Variants in PTPRE observed in about 807,000 individuals in gnomAD.
The protein encoded by PTPRE is protein tyrosine phosphatase receptor type E, also known as receptor-type tyrosine-protein phosphatase epsilon.
In PTPRE, 51 loss-of-function variants were observed where a neutral mutation model predicts 102.0. That is an observed-to-expected ratio of 0.50 (90% confidence interval 0.40 to 0.63). The LOEUF is 0.63. Ranked by LOEUF, PTPRE falls within the 30% of genes least tolerant of loss-of-function variation. The pLI is 0.00. For missense variants in PTPRE, 752 were observed against 915.1 expected (o/e 0.82, Z 2.30); for synonymous variants, 345 against 348.2 (o/e 0.99, Z 0.10).
chr10:128,000,157 C>T (rs1220887420), intron 2 of PTPRE, among the ~76,000 whole-genome samples: 3 of 152,278 alleles, frequency 2.0e-5, no homozygotes, highest in African/African-American at 4.8e-5. Context: ...GCCTCTCTCC[C>T]GGTTTCTAAA....
intron 1 of PTPRE, among the ~76,000 whole-genome samples, chr10:127,961,715 C>T (rs755061001): frequency 1.3e-5 from 2 of 152,170 alleles, no homozygotes; most frequent in Non-Finnish European, 2.9e-5. Context: ...TCTGTCCCTT[C>T]CTACCTGTCA....
intron 2 of PTPRE, among the ~76,000 whole-genome samples, chr10:128,003,172 C>A (rs1283595862): frequency 6.6e-6 from 1 of 152,142 alleles, no homozygotes; most frequent in African/African-American, 2.4e-5. Flanking sequence ...AAGGTAGTAT[C>A]CTCCTCATTG....
At chr10:128,022,968 T>A (rs1243472241) in intron 2 of PTPRE, among the ~76,000 whole-genome samples, 1 of 152,242 alleles carries the variant, frequency 6.6e-6, no homozygotes, top group Non-Finnish European at 1.5e-5. Flanking sequence ...AAAATGACTC[T>A]GACCACCTGT....
chr10:128,066,881 C>G (rs1166874600), intron 11 of PTPRE, among the ~76,000 whole-genome samples: 1 of 152,168 alleles, frequency 6.6e-6, no homozygotes, highest in Non-Finnish European at 1.5e-5. Context: ...CAGGCGCACA[C>G]AGGCACTCAC....
At chr10:128,000,059 A>T (rs146632284) in intron 2 of PTPRE, 11,558 of 762,102 alleles carry the variant, frequency 0.015, 100 homozygotes, top group Non-Finnish European at 0.017. Context: ...TGCATTTTCC[A>T]TGAGTCTTTA....
At chr10:128,030,684 A>G (rs1024511415) in intron 2 of PTPRE, among the ~76,000 whole-genome samples, 3 of 152,174 alleles carry the variant, frequency 2.0e-5, no homozygotes, top group Admixed American at 1.3e-4. Context: ...TGCATGGATA[A>G]TCCTGCCGGC....
chr10:127,937,048 G>T (rs1255907343), intron 1 of PTPRE, among the ~76,000 whole-genome samples: 1 of 152,120 alleles, frequency 6.6e-6, no homozygotes, highest in African/African-American at 2.4e-5. Flanking sequence ...TCCATAGGCA[G>T]TTCCATTCCC....
chr10:127,915,750 A>G (rs1846159929), intron 1 of PTPRE, among the ~76,000 whole-genome samples: 1 of 152,208 alleles, frequency 6.6e-6, no homozygotes, highest in Non-Finnish European at 1.5e-5. Flanking sequence ...AGAGTCTGTA[A>G]TATCATTTAG....
At chr10:127,930,739 T>A (rs1212469173) in intron 1 of PTPRE, among the ~76,000 whole-genome samples, 1 of 152,228 alleles carries the variant, frequency 6.6e-6, no homozygotes, top group Non-Finnish European at 1.5e-5. Context: ...CAGCAGTTGC[T>A]CTGCATCTTT....
chr10:127,981,700 C>A (rs1291642122), intron 1 of PTPRE, among the ~76,000 whole-genome samples: 2 of 151,942 alleles, frequency 1.3e-5, no homozygotes, highest in African/African-American at 4.8e-5. Context: ...TACCTGTAGT[C>A]CTGGCTACTC....
chr10:128,082,032 C>T (rs183622138), intron 20 of PTPRE, among the ~76,000 whole-genome samples: 11 of 152,298 alleles, frequency 7.2e-5, no homozygotes, highest in Non-Finnish European at 1.2e-4. Flanking sequence ...ACTCACATAT[C>T]CCACCCAGGG....
At chr10:128,075,785 A>C (rs1851167638) in intron 17 of PTPRE, among the ~76,000 whole-genome samples, 2 of 152,174 alleles carry the variant, frequency 1.3e-5, no homozygotes, top group African/African-American at 4.8e-5. Flanking sequence ...TCTGATTTGC[A>C]TCATTCTGAT....
intron 1 of PTPRE, among the ~76,000 whole-genome samples, chr10:127,937,082 C>A (rs969992693): frequency 2.6e-5 from 4 of 152,150 alleles, no homozygotes; most frequent in African/African-American, 9.7e-5. Context: ...CTGAGATTCT[C>A]ACTCCTGAAA....
At chr10:128,079,518 G>C (rs1564978686) in intron 19 of PTPRE, 42 bp from the exon 20 acceptor site, 2 of 1,600,446 alleles carry the variant, frequency 1.2e-6, no homozygotes, top group Admixed American at 1.7e-5. Flanking sequence ...TCATCCCCAA[G>C]TGCAAGTCGG....
chr10:128,055,264 G>T (rs145397641), intron 6 of PTPRE, among the ~76,000 whole-genome samples: 2 of 152,206 alleles, frequency 1.3e-5, no homozygotes, highest in African/African-American at 4.8e-5. Flanking sequence ...CCTGAGCAGC[G>T]AGCAGACGCA....
rs577529963 is a variant in PTPRE, at chr10:127,992,159, G to A, written c.-8+9863G>A. Among the ~76,000 whole-genome samples, 3 of 152,268 alleles carry A rather than the reference G, an allele frequency of 2.0e-5. No homozygotes were observed. In the East Asian group the frequency reaches 5.8e-4, roughly 29 times the overall value. On this transcript the variant is annotated intron_variant, in intron 2 of 20. Coordinates refer to ENST00000254667, the MANE Select transcript of PTPRE (RefSeq NM_006504.6). The stretch of plus-strand genomic sequence containing the variant: ...GGGTGCAGATCAGAGGGGTGAGAAA[G>A]GGAGGCTGGAGGGGCAGGTGGAGCA...
At chr10:127,951,160 C>A (rs148926296) in intron 1 of PTPRE, among the ~76,000 whole-genome samples, 393 of 152,264 alleles carry the variant, frequency 2.6e-3, no homozygotes, top group African/African-American at 8.0e-3. Context: ...AAGCATAAAA[C>A]TTTCAGGTCA....
chr10:127,967,206 G>A (rs993841486), intron 1 of PTPRE, among the ~76,000 whole-genome samples: 1 of 152,152 alleles, frequency 6.6e-6, no homozygotes. Context: ...TAATGAATTT[G>A]TTTGCTTATT....
rs1451007103 is a variant in PTPRE, at chr10:128,047,857, G to A, written c.283+20G>A. 3 of 1,560,606 alleles carry A rather than the reference G, an allele frequency of 1.9e-6. No individual in the cohort carries two copies. Among genetic ancestry groups the A allele is most frequent in the South Asian group, 2.3e-5 (2 of 85,188 alleles). The stretch of plus-strand genomic sequence containing the variant: ...AGCAAGGTACAGAAGCTGCTCTCTG[G>A]CTGGGGCTTGGGGGAAAATGTGTTC... On this transcript the variant is annotated intron_variant, in intron 5 of 20. Transcript: ENST00000254667.
Sources: allele counts gnomAD v4.1 joint callset (sites outside exome capture counted in the v4.1 genomes callset), GRCh38; gene constraint gnomAD v4.1.1; transcripts MANE v1.5; gene names NCBI Gene and HGNC (gene_info 2026-07-23, HGNC 2026-07-21).